HEPH: variants seen among roughly 807,000 people sequenced by gnomAD.
The protein encoded by HEPH is hephaestin.
In HEPH, 69 loss-of-function variants were observed where a neutral mutation model predicts 80.8. The ratio of observed to expected loss-of-function variants is 0.85; its 90% CI spans 0.70 to 1.04. The LOEUF (loss-of-function observed/expected upper bound fraction) is 1.04. HEPH is among the 50% of genes least tolerant of loss of function. The probability of loss-of-function intolerance (pLI) is 0.00; values close to 1 mark genes in which losing one functional copy is unlikely to be tolerated. For missense variants in HEPH, 1,115 were observed against 891.3 expected (o/e 1.25, Z -3.20); for synonymous variants, 431 against 322.8 (o/e 1.34, Z -3.60).
At chrX:66,163,990 G>A (rs763096869), upstream of HEPH, among the ~76,000 whole-genome samples, 1 of 112,077 alleles carries the variant, frequency 8.9e-6, no homozygotes, top group Non-Finnish European at 1.9e-5. Context: ...AGGGGAAGAG[G>A]TGGTGAGATG....
At position 66,168,123 on chromosome X, in the gene HEPH, C is replaced by A. The variant is rs192919072; in HGVS notation, c.-13-2435C>A. Among the ~76,000 whole-genome samples, 17 of 111,828 alleles carry A rather than the reference C, an allele frequency of 1.5e-4. No individual in the cohort carries two copies. In the East Asian group the frequency reaches 4.2e-3, roughly 28 times the overall value. ...TGGAAAGGTAACAATAATACAGAGT[C>A]TGACTTAATCTAATTGGGTGCTATA... On this transcript the variant is annotated intron_variant, in intron 1 of 20. Transcript: ENST00000343002.
chrX:66,262,695 G>A (rs1340728957), intron 19 of HEPH, among the ~76,000 whole-genome samples: 1 of 111,683 alleles, frequency 9.0e-6, no homozygotes, highest in Non-Finnish European at 1.9e-5. Flanking sequence ...ATTAGTAGTT[G>A]AAGTGATAGA....
At chrX:66,167,051 A>G (rs1210972734) in intron 1 of HEPH, among the ~76,000 whole-genome samples, 3 of 111,915 alleles carry the variant, frequency 2.7e-5, no homozygotes, top group Non-Finnish European at 5.6e-5. Context: ...ACAAAACTCT[A>G]TGAGGTAGCT....
intron 11 of HEPH, 74 bp downstream of exon 11, chrX:66,199,102 C>A (rs2088275784): frequency 2.9e-6 from 3 of 1,018,543 alleles, no homozygotes; most frequent in Non-Finnish European, 4.1e-6. Flanking sequence ...TAATCATGAC[C>A]AATCCTGAAA....
At chrX:66,186,139 G>C (rs1267315292) in intron 4 of HEPH, among the ~76,000 whole-genome samples, 25 of 77,300 alleles carry the variant, frequency 3.2e-4, no homozygotes, top group African/African-American at 1.3e-3. Context: ...GTCTGCAGAG[G>C]TTACTGCTGT....
rs967849921 is a variant in HEPH at position 66,264,072 on chromosome X, G to A, written c.3244+384G>A. Among the ~76,000 whole-genome samples the A allele has an allele frequency of 3.6e-5, 4 of 109,736 alleles. No individual in the cohort carries two copies. The East Asian group carries it at 8.6e-4, about 23-fold the overall frequency. On this transcript the variant is annotated intron_variant, in intron 20 of 20. Transcript: ENST00000343002. ...TGAATATGCAAAGGTATACAGAATG[G>A]CATAATGGACATTGGAGACTCAGAA...
intron 1 of HEPH, among the ~76,000 whole-genome samples, chrX:66,168,260 A>T (rs946744009): frequency 2.7e-5 from 3 of 112,123 alleles, no homozygotes; most frequent in Non-Finnish European, 5.6e-5. Context: ...AGTATGATGG[A>T]TGTGAGACTG....
intron 6 of HEPH, among the ~76,000 whole-genome samples, chrX:66,190,866 A>G (rs2087750685): frequency 9.0e-6 from 1 of 111,580 alleles, no homozygotes; most frequent in Non-Finnish European, 1.9e-5. Context: ...GAGAGTATAA[A>G]TATGGATTGG....
intron 15 of HEPH, among the ~76,000 whole-genome samples, chrX:66,239,246 A>G (rs1275037809): frequency 1.8e-5 from 2 of 111,293 alleles, no homozygotes; most frequent in Non-Finnish European, 3.8e-5. Flanking sequence ...TGTCGGTTCA[A>G]CTCACCCATT....
At chrX:66,195,744 G>T (rs2088055240) in intron 9 of HEPH, among the ~76,000 whole-genome samples, 1 of 111,221 alleles carries the variant, frequency 9.0e-6, no homozygotes, top group Admixed American at 9.6e-5. Context: ...CTATTGCTTG[G>T]ACATGTAGGT....
chrX:66,226,612 A>C (rs896294357), intron 15 of HEPH, among the ~76,000 whole-genome samples: 3 of 112,312 alleles, frequency 2.7e-5, no homozygotes, highest in Non-Finnish European at 5.6e-5. Context: ...AGGAGATATT[A>C]CAACTGATAC....
At chrX:66,230,959 T>G (rs1425426683) in intron 15 of HEPH, among the ~76,000 whole-genome samples, 2 of 106,572 alleles carry the variant, frequency 1.9e-5, no homozygotes, top group African/African-American at 6.9e-5. Flanking sequence ...TTGTATAAGG[T>G]GTAAGGAAAG....
chrX:66,180,043 T>G (rs773989018), intron 4 of HEPH, among the ~76,000 whole-genome samples: 1 of 111,926 alleles, frequency 8.9e-6, no homozygotes, highest in East Asian at 2.8e-4. Context: ...CATTTTTGTA[T>G]TTTTTAAGTG....
Position 66,206,244 on chromosome X carries a change from A to T in HEPH, c.2292-951A>T, listed in dbSNP as rs9698779. 5.4e-3 allele frequency among the ~76,000 whole-genome samples: 579 copies of T among 107,336 alleles called. 6 individuals are homozygous for T. Among genetic ancestry groups the T allele is most frequent in the African/African-American group, 0.019 (553 of 29,688 alleles). The allele number at this position is 107,336 out of a possible 115,157, so 93.2% of individuals were successfully genotyped here. On this transcript the variant is annotated intron_variant, in intron 13 of 20. Transcript: ENST00000343002. ...AAGACATCATTAGGGCTGGAGCTAA[A>T]GCCTGTGGCTTCTGATTCTTAGCCC...
intron 10 of HEPH, among the ~76,000 whole-genome samples, 192 bp from the exon 11 acceptor site, chrX:66,198,686 G>A (rs1243600029): frequency 9.0e-6 from 1 of 110,826 alleles, no homozygotes; most frequent in East Asian, 2.8e-4. Context: ...CTTTTATTGT[G>A]ACATTCTTCT....
intron 12 of HEPH, among the ~76,000 whole-genome samples, chrX:66,202,299 G>A (rs1248780420): frequency 8.9e-6 from 1 of 111,828 alleles, no homozygotes; most frequent in Non-Finnish European, 1.9e-5. Flanking sequence ...AGTTGAGTTT[G>A]AGACAATGTG....
At chrX:66,229,903 C>A (rs2090051735) in intron 15 of HEPH, among the ~76,000 whole-genome samples, 1 of 103,694 alleles carries the variant, frequency 9.6e-6, no homozygotes, top group Admixed American at 1.0e-4. Flanking sequence ...TTAGGTATAT[C>A]TCCCAATGCT....
intron 2 of HEPH, among the ~76,000 whole-genome samples, chrX:66,171,672 G>C (rs1345719795): frequency 8.9e-6 from 1 of 111,876 alleles, no homozygotes; most frequent in Non-Finnish European, 1.9e-5. Context: ...TTCAGAGTCA[G>C]AGTCCTTGTA....
chrX:66,226,242 T>G (rs2089885348), intron 15 of HEPH, among the ~76,000 whole-genome samples: 1 of 112,379 alleles, frequency 8.9e-6, no homozygotes, highest in Non-Finnish European at 1.9e-5. Context: ...TTTTTACTTC[T>G]TCTTTCTTTG....
Sources: allele counts gnomAD v4.1 joint callset (sites outside exome capture counted in the v4.1 genomes callset), GRCh38; gene constraint gnomAD v4.1.1; transcripts MANE v1.5; gene names NCBI Gene and HGNC (gene_info 2026-07-23, HGNC 2026-07-21).